Variants in OR52N5 observed in about 807,000 individuals in gnomAD.
OR52N5 encodes the protein olfactory receptor family 52 subfamily N member 5.
OR52N5 carries 10 observed loss-of-function variants against 14.1 expected under a neutral mutation model. The ratio of observed to expected loss-of-function variants is 0.71; its 90% confidence interval spans 0.44 to 1.20. OR52N5 has a LOEUF of 1.20. Ranked by LOEUF, OR52N5 falls within the 50% of genes most tolerant of loss-of-function variation. The pLI is 0.00. For missense variants in OR52N5, 361 were observed against 403.2 expected, an observed-to-expected ratio of 0.90 and a Z score of 0.90; for synonymous variants, 116 against 143.0, an observed-to-expected ratio of 0.81 and a Z score of 1.35.
Position 5,778,118 on chromosome 11 carries a change from T to C in OR52N5, c.517A>G (p.Lys173Glu). The C allele has an allele frequency of 6.6e-7, 1 of 1,521,076 alleles. No individual in the cohort carries two copies. The highest frequency in any genetic ancestry group is 9.0e-7 in the Non-Finnish European group (1 of 1,114,262). 94.2% of individuals were successfully genotyped at this position (1,521,076 alleles called of 1,614,324 possible). A position where few individuals can be genotyped will look rare whatever the true frequency, so the allele number is the denominator to read the frequency against. Residue 173 changes from lysine (K) to glutamate (E), a missense_variant, in exon 3 of 3, where the codon AAG becomes GAG. Physicochemically the swap from Lys to Glu is moderately conservative, Grantham distance 56 (BLOSUM62 1). Coordinates refer to ENST00000641181, the MANE Select transcript of OR52N5 (RefSeq NM_001385662.1). ...TTGCTTTGGCAGAAAGGCAAACGCT[T>C]AACCAAGAATGGGAAAGGAATCATC... ...LLMIPFPFLV[K>E]RLPFCQSNII...
chr11:5,780,356 A>G (rs1457864405), intron 2 of OR52N5, among the ~76,000 whole-genome samples: 1 of 139,930 alleles, frequency 7.1e-6, no homozygotes, highest in Non-Finnish European at 1.6e-5. Flanking sequence ...CTTAAAGTCT[A>G]TGTTGACTTT....
Position 5,777,737 on chromosome 11 carries a change from T to C in OR52N5, c.898A>G (p.Ile300Val), listed in dbSNP as rs758804759. ...TGTTTTGTCTTTACTCCATAAACAATAGGGTTTAGAGTTGGGGGAAGAAGA... is the reference window on the plus strand; with the variant it reads ...TGTTTTGTCTTTACTCCATAAACAACAGGGTTTAGAGTTGGGGGAAGAAGA... ...YLLLPPTLNPIVYGVKTKQIR... is the reference protein window; with the variant it reads ...YLLLPPTLNPVVYGVKTKQIR... Residue 300 changes from isoleucine (I) to valine (V), a missense_variant, in exon 3 of 3, where the codon ATT becomes GTT. Physicochemically the swap from Ile to Val is conservative, Grantham distance 29 (BLOSUM62 3). Coordinates refer to ENST00000641181, the MANE Select transcript of OR52N5 (RefSeq NM_001385662.1). The C allele has an allele frequency of 1.4e-5, 21 of 1,516,244 alleles. 4 individuals carry two copies. In the East Asian group the frequency reaches 3.5e-4, roughly 25 times the overall value. The allele number at this position is 1,516,244 out of a possible 1,614,324, so 93.9% of individuals were successfully genotyped here.
chr11:5,778,601 T>C lies in OR52N5; in HGVS notation c.34A>G (p.Thr12Ala), dbSNP rs376575697. The change falls in exon 3 of 3, where the codon ACA (threonine) becomes GCA (alanine). Residue 12 changes from threonine to alanine, a missense_variant. Coordinates refer to ENST00000641181, the MANE Select transcript of OR52N5 (RefSeq NM_001385662.1). ...AAAGATGGAGGAGTCACATGAATTGTTGGAAACCAGCATAATGAATTAAAT... is the reference window on the plus strand; with the variant it reads ...AAAGATGGAGGAGTCACATGAATTGCTGGAAACCAGCATAATGAATTAAAT... ...PLFNSLCWFP[T>A]IHVTPPSFIL... 6.8e-6 allele frequency: 10 copies of C among 1,480,804 alleles called. 2 individuals are homozygous for C. Among genetic ancestry groups the C allele is most frequent in the Non-Finnish European group, 6.4e-6 (7 of 1,086,926 alleles). The allele number at this position is 1,480,804 out of a possible 1,614,324, so 91.7% of individuals were successfully genotyped here.
rs1218709448 is a variant in OR52N5, at chr11:5,777,159, G to A, written c.*501C>T. 2 of 139,828 alleles carry A rather than the reference G, an allele frequency of 1.4e-5. 1 individual carries two copies. The highest frequency in any genetic ancestry group is 3.2e-5 in the Non-Finnish European group (2 of 63,340). The allele number at this position is 139,828 out of a possible 1,614,324, so 8.7% of individuals were successfully genotyped here. A position where few individuals can be genotyped will look rare whatever the true frequency, so the allele number is the denominator to read the frequency against. ...TTTCCAATAAAAAGAAAAGATAAATGTTTGAGGTGATGGATATTCTAATTA... is the reference window on the plus strand; with the variant it reads ...TTTCCAATAAAAAGAAAAGATAAATATTTGAGGTGATGGATATTCTAATTA... On this transcript the variant is annotated 3_prime_UTR_variant, in exon 3 of 3. Transcript: ENST00000641181.
chr11:5,778,360 CAGAGTGCATTGGGT>C lies in OR52N5; in HGVS notation c.261_274del (p.Pro88HisfsTer10). The C allele has an allele frequency of 6.6e-7, 1 of 1,519,690 alleles. No individual in the cohort carries two copies. The highest frequency in any genetic ancestry group is 2.3e-5 in the East Asian group (1 of 42,828). 94.1% of individuals were successfully genotyped at this position (1,519,690 alleles called of 1,614,324 possible). A position where few individuals can be genotyped will look rare whatever the true frequency, so the allele number is the denominator to read the frequency against. ...TTCTTTGAGACTGAACCAGAAGATG[CAGAGTGCATTGGGT>C]AGAGTGGTGGTGCAGGTAAGGAGGT... On this transcript the variant is annotated frameshift_variant, in exon 3 of 3. Transcript: ENST00000641181. LOFTEE classifies it high-confidence loss of function.
rs1434940107 is a variant in OR52N5 at position 5,780,414 on chromosome 11, T to A, written c.-24+1119A>T. ...GCAAATATCTCTGCAAAGTAAAGAA[T>A]ATTATAGCTGAAGTAAATTAGAGAC... On this transcript the variant is annotated intron_variant, in intron 2 of 2. Transcript: ENST00000641181. Among the ~76,000 whole-genome samples the A allele has an allele frequency of 6.5e-5, 9 of 139,462 alleles. 3 individuals carry two copies. In the Admixed American group the frequency reaches 6.7e-4, roughly 10 times the overall value. 91.5% of individuals were successfully genotyped at this position (139,462 alleles called of 152,430 possible). A position where few individuals can be genotyped will look rare whatever the true frequency, so the allele number is the denominator to read the frequency against.
At position 5,777,788 on chromosome 11, in the gene OR52N5, G is replaced by C. The variant is rs760657642; in HGVS notation, c.847C>G (p.His283Asp). Residue 283 changes from histidine (H) to aspartate (D), a missense_variant, in exon 3 of 3, where the codon CAC (histidine) becomes GAC (aspartate). By Grantham distance (81) the His-to-Asp change is moderately conservative (BLOSUM62 -1). Coordinates refer to ENST00000641181, the MANE Select transcript of OR52N5 (RefSeq NM_001385662.1). ...AGATAAAGATTAGCCACAATGATGT[G>C]AAGAGAAGGGGGAATTGTGTGTCCC... ...FGGHTIPPSL[H>D]IIVANLYLLL... The C allele has an allele frequency of 6.6e-6, 10 of 1,521,154 alleles. No individual in the cohort carries two copies. In the Admixed American group the frequency reaches 1.8e-4, roughly 27 times the overall value. The allele number at this position is 1,521,154 out of a possible 1,614,324, so 94.2% of individuals were successfully genotyped here. A position where few individuals can be genotyped will look rare whatever the true frequency, so the allele number is the denominator to read the frequency against.
intron 1 of OR52N5, among the ~76,000 whole-genome samples, chr11:5,782,766 T>G (rs1176764087): frequency 7.2e-6 from 1 of 139,122 alleles, no homozygotes; most frequent in East Asian, 2.1e-4. Flanking sequence ...GGGCCAAATC[T>G]GCCACCTATT....
intron 1 of OR52N5, 34 bp from the exon 2 acceptor site, chr11:5,781,790 A>G (rs1854550454): frequency 7.1e-6 from 1 of 140,690 alleles, no homozygotes; most frequent in South Asian, 2.3e-4. Context: ...CCTTTGAATT[A>G]CCACTTTATC....
Position 5,777,873 on chromosome 11 carries a change from T to C in OR52N5, c.762A>G (p.Ile254Met), listed in dbSNP as rs1854509035. The C allele has an allele frequency of 6.6e-7, 1 of 1,520,004 alleles. No homozygotes were observed. The highest frequency in any genetic ancestry group is 1.4e-5 in the African/African-American group (1 of 70,098). The allele number at this position is 1,520,004 out of a possible 1,614,324, so 94.2% of individuals were successfully genotyped here. The change falls in exon 3 of 3, where the codon ATA (isoleucine) becomes ATG (methionine). Residue 254 changes from isoleucine (I) to methionine (M), a missense_variant. By Grantham distance (10) the Ile-to-Met change is conservative (BLOSUM62 1). Coordinates refer to ENST00000641181, the MANE Select transcript of OR52N5 (RefSeq NM_001385662.1). ...QKAFSTCTAHISAIIITYVPA... is the reference protein window; with the variant it reads ...QKAFSTCTAHMSAIIITYVPA... Reference sequence around the variant, plus strand: ...GAACATAGGTGATGATGATGGCAGATATATGGGCAGTGCAGGTGCTGAAAG... The same window carrying C: ...GAACATAGGTGATGATGATGGCAGACATATGGGCAGTGCAGGTGCTGAAAG...
At position 5,780,559 on chromosome 11, in the gene OR52N5, A is replaced by G. The variant is rs1022268412; in HGVS notation, c.-24+974T>C. Reference sequence around the variant, plus strand: ...GGGGAAAAAAGAGAAAACTCAAATAAATAAAATGAAAATGAAAAAGGAGAC... The same window carrying G: ...GGGGAAAAAAGAGAAAACTCAAATAGATAAAATGAAAATGAAAAAGGAGAC... On this transcript the variant is annotated intron_variant, in intron 2 of 2. Transcript: ENST00000641181. 2.1e-5 allele frequency among the ~76,000 whole-genome samples: 3 copies of G among 139,994 alleles called. 1 individual carries two copies. The highest frequency in any genetic ancestry group is 3.2e-5 in the Non-Finnish European group (2 of 63,306). 91.8% of individuals were successfully genotyped at this position (139,994 alleles called of 152,430 possible).
chr11:5,778,056 T>C lies in OR52N5; in HGVS notation c.579A>G (p.Val193=). ...ISHTYCDHMS[V]VKLSCASIKV... ...TGATGCTGGCACAAGATAGCTTTAC[T>C]ACAGACATGTGGTCGCAGTACGTAT... The change falls in exon 3 of 3, where the codon GTA becomes GTG. Residue 193 remains valine (V), a synonymous_variant. Coordinates refer to ENST00000641181, the MANE Select transcript of OR52N5 (RefSeq NM_001385662.1). The C allele has an allele frequency of 6.6e-7, 1 of 1,520,242 alleles. No individual in the cohort carries two copies. Among genetic ancestry groups the C allele is most frequent in the South Asian group, 1.2e-5 (1 of 85,826 alleles). 94.2% of individuals were successfully genotyped at this position (1,520,242 alleles called of 1,614,324 possible).
chr11:5,778,912 G>T (rs537114314), intron 2 of OR52N5, among the ~76,000 whole-genome samples: 1 of 139,482 alleles, frequency 7.2e-6, no homozygotes, highest in East Asian at 2.1e-4. Flanking sequence ...AAACTGGGGC[G>T]CAGAAAGATT....
In OR52N5 at chr11:5,776,200, T is replaced by C. The variant is rs888336021; in HGVS notation, c.*1460A>G. 8 of 140,226 alleles carry C rather than the reference T, an allele frequency of 5.7e-5. 1 individual carries two copies. The highest frequency in any genetic ancestry group is 2.1e-4 in the African/African-American group (8 of 38,350). The allele number at this position is 140,226 out of a possible 1,614,324, so 8.7% of individuals were successfully genotyped here. On this transcript the variant is annotated 3_prime_UTR_variant, in exon 3 of 3. Transcript: ENST00000641181. ...AGTGTGTGTGACAACCAGGAAGAGGTAATGATAAGTTCTATTTTAAGATTT... is the reference window on the plus strand; with the variant it reads ...AGTGTGTGTGACAACCAGGAAGAGGCAATGATAAGTTCTATTTTAAGATTT...
rs781106649 is a variant in OR52N5 at position 5,777,987 on chromosome 11, T to C, written c.648A>G (p.Gly216=). 4 of 1,519,604 alleles carry C rather than the reference T, an allele frequency of 2.6e-6. No individual in the cohort carries two copies. The highest frequency in any genetic ancestry group is 3.6e-6 in the Non-Finnish European group (4 of 1,113,090). The allele number at this position is 1,519,604 out of a possible 1,614,324, so 94.1% of individuals were successfully genotyped here. ...AAGATATACAACAAATGTCAAACAC[T>C]CCAATCAGGAGAGCAACCATTAGAC... ...IYGLMVALLI[G]VFDICCISLS... The change falls in exon 3 of 3, where the codon GGA becomes GGG. Residue 216 remains glycine (G), a synonymous_variant. Transcript: ENST00000641181.
intron 2 of OR52N5, among the ~76,000 whole-genome samples, chr11:5,778,915 G>T (rs973370594): frequency 7.2e-6 from 1 of 139,728 alleles, no homozygotes; most frequent in African/African-American, 2.6e-5. Flanking sequence ...CTGGGGCGCA[G>T]AAAGATTGAA....
Position 5,777,505 on chromosome 11 carries a change from TG to T in OR52N5, c.*154del. ...AAGGCACTGAGATATACATCCAGAA[TG>T]GGCTATAAATTTCCCCAAAACAGTT... On this transcript the variant is annotated 3_prime_UTR_variant, in exon 3 of 3. Coordinates refer to ENST00000641181, the MANE Select transcript of OR52N5 (RefSeq NM_001385662.1). 1.9e-6 allele frequency: 1 copy of T among 535,238 alleles called. No individual in the cohort carries two copies. The highest frequency in any genetic ancestry group is 3.0e-6 in the Non-Finnish European group (1 of 337,448). The allele number at this position is 535,238 out of a possible 1,614,324, so 33.2% of individuals were successfully genotyped here.
rs117109684 is a variant in OR52N5 at position 5,776,709 on chromosome 11, T to C, written c.*951A>G. 2.1e-4 allele frequency: 30 copies of C among 140,604 alleles called. 8 individuals are homozygous for C. The highest frequency in any genetic ancestry group is 4.1e-4 in the Non-Finnish European group (26 of 63,430). The allele number at this position is 140,604 out of a possible 1,614,324, so 8.7% of individuals were successfully genotyped here. A position where few individuals can be genotyped will look rare whatever the true frequency, so the allele number is the denominator to read the frequency against. On this transcript the variant is annotated 3_prime_UTR_variant, in exon 3 of 3. Transcript: ENST00000641181. ...TTTAACATGCTAATTTCCAGCTTCA[T>C]CCATGATGCTGCAAATTACAGAATT...
intron 2 of OR52N5, among the ~76,000 whole-genome samples, chr11:5,779,853 C>A (rs552739228): frequency 2.9e-5 from 4 of 139,350 alleles, no homozygotes; most frequent in African/African-American, 1.0e-4. Flanking sequence ...TATTTCTCCA[C>A]CTCATCTTGG....
Sources: allele counts gnomAD v4.1 joint callset (sites outside exome capture counted in the v4.1 genomes callset), GRCh38; gene constraint gnomAD v4.1.1; transcripts MANE v1.5; gene names NCBI Gene and HGNC (gene_info 2026-07-23, HGNC 2026-07-21).